The following TMEM132D variants were observed in gnomAD, a reference collection of about 807,000 sequenced individuals.
The protein encoded by TMEM132D is transmembrane protein 132D.
Under a neutral mutation model 62.3 loss-of-function variants are expected in TMEM132D, and 21 were observed. The observed-to-expected ratio is 0.34, with a 90% CI of 0.24 to 0.49. TMEM132D has a LOEUF of 0.49. TMEM132D is among the 20% of genes least tolerant of loss of function. The pLI, the probability that TMEM132D is intolerant of heterozygous loss-of-function variation, is 0.99. For missense variants in TMEM132D, 1,346 were observed against 1,402.8 expected, an observed-to-expected ratio of 0.96 and a Z score of 0.65; for synonymous variants, 621 against 575.6, an observed-to-expected ratio of 1.08 and a Z score of -1.13.
intron 5 of TMEM132D, among the ~76,000 whole-genome samples, chr12:129,204,930 A>G (rs1878801838): frequency 6.6e-6 from 1 of 152,222 alleles, no homozygotes; most frequent in Non-Finnish European, 1.5e-5. Context: ...ACTAAGCTTC[A>G]TAAGTGAAGG....
intron 3 of TMEM132D, among the ~76,000 whole-genome samples, chr12:129,402,931 C>A (rs148338932): frequency 6.6e-6 from 1 of 152,048 alleles, no homozygotes; most frequent in Non-Finnish European, 1.5e-5. Context: ...CCCACAGTCA[C>A]CTTTATTTCT....
chr12:129,450,425 C>G (rs899786284), intron 3 of TMEM132D, among the ~76,000 whole-genome samples: 2 of 152,170 alleles, frequency 1.3e-5, no homozygotes, highest in African/African-American at 4.8e-5. Context: ...ATCTATGTAA[C>G]AAACCTGTAC....
chr12:129,553,136 G>C (rs1376655047), intron 2 of TMEM132D, among the ~76,000 whole-genome samples: 2 of 152,074 alleles, frequency 1.3e-5, no homozygotes, highest in African/African-American at 4.8e-5. Flanking sequence ...AGAGTGTTGC[G>C]CGTTTGCTCC....
chr12:129,354,330 T>TATAC (rs1869966914), intron 3 of TMEM132D, among the ~76,000 whole-genome samples: 1 of 151,262 alleles, frequency 6.6e-6, no homozygotes, highest in African/African-American at 2.4e-5. Context: ...TATATATATA[T>TATAC]ATACATATTT....
intron 1 of TMEM132D, among the ~76,000 whole-genome samples, chr12:129,736,427 T>C (rs952511592): frequency 1.3e-5 from 2 of 152,164 alleles, no homozygotes; most frequent in Non-Finnish European, 2.9e-5. Flanking sequence ...TAAAATAAAA[T>C]GTCAAATAAT....
At chr12:129,785,737 T>A (rs1246537275) in intron 1 of TMEM132D, among the ~76,000 whole-genome samples, 1 of 152,206 alleles carries the variant, frequency 6.6e-6, no homozygotes, top group Admixed American at 6.5e-5. Context: ...TTCTGTTGTT[T>A]AAGCCACTCA....
intron 5 of TMEM132D, among the ~76,000 whole-genome samples, chr12:129,205,235 A>C (rs1396849659): frequency 6.6e-6 from 1 of 152,188 alleles, no homozygotes; most frequent in Non-Finnish European, 1.5e-5. Flanking sequence ...TGGATAAAGA[A>C]ACAAGACTTA....
intron 1 of TMEM132D, among the ~76,000 whole-genome samples, chr12:129,767,095 T>A (rs1280012230): frequency 1.3e-5 from 2 of 152,222 alleles, no homozygotes; most frequent in Non-Finnish European, 1.5e-5. Flanking sequence ...GCCGCCTCAA[T>A]GAGGCTGTTT....
At chr12:129,345,966 G>A (rs181979869) in intron 3 of TMEM132D, among the ~76,000 whole-genome samples, 255 of 152,264 alleles carry the variant, frequency 1.7e-3, no homozygotes, top group Admixed American at 3.1e-3. Context: ...ATGAGTTAGG[G>A]AGGAGTCCCT....
At position 129,073,865 on chromosome 12, in the gene TMEM132D, T is replaced by C. The variant is rs1874154987; in HGVS notation, c.*10A>G. ...AGGTGAGTGAGAACCAATGTCTGTG[T>C]GTGTCTGGCTTACACATTTTCATGT... On this transcript the variant is annotated 3_prime_UTR_variant, in exon 9 of 9. Transcript: ENST00000422113. 2.0e-6 allele frequency: 3 copies of C among 1,522,614 alleles called. No individual in the cohort carries two copies. Among genetic ancestry groups the C allele is most frequent in the Middle Eastern group, 1.8e-4 (1 of 5,638 alleles). The allele number at this position is 1,522,614 out of a possible 1,614,324, so 94.3% of individuals were successfully genotyped here. A position where few individuals can be genotyped will look rare whatever the true frequency, so the allele number is the denominator to read the frequency against.
At chr12:129,587,505 A>G (rs1878063296) in intron 2 of TMEM132D, among the ~76,000 whole-genome samples, 1 of 152,116 alleles carries the variant, frequency 6.6e-6, no homozygotes, top group African/African-American at 2.4e-5. Flanking sequence ...GAGTTTACCT[A>G]TGTAACACAA....
intron 3 of TMEM132D, among the ~76,000 whole-genome samples, chr12:129,449,233 A>G (rs7133469): frequency 0.46 from 70,172 of 152,032 alleles, 16,559 homozygotes; most frequent in East Asian, 0.6. Flanking sequence ...CTGTGTAAGC[A>G]CTTGGACCCT....
At chr12:129,567,272 C>A (rs1388423546) in intron 2 of TMEM132D, among the ~76,000 whole-genome samples, 1 of 152,166 alleles carries the variant, frequency 6.6e-6, no homozygotes, top group Non-Finnish European at 1.5e-5. Context: ...TGCAACATCA[C>A]TAGTGAATCA....
At chr12:129,584,823 C>G (rs1007384202) in intron 2 of TMEM132D, among the ~76,000 whole-genome samples, 1 of 152,056 alleles carries the variant, frequency 6.6e-6, no homozygotes, top group African/African-American at 2.4e-5. Flanking sequence ...ATGAAATTAC[C>G]GATGGAAAGA....
At chr12:129,840,138 A>G (rs998973564) in intron 1 of TMEM132D, 7 of 152,248 alleles carry the variant, frequency 4.6e-5, no homozygotes, top group Admixed American at 1.3e-4. Context: ...TTACATATAA[A>G]TCAAAGCTCT....
At chr12:129,757,908 A>C (rs552835940) in intron 1 of TMEM132D, among the ~76,000 whole-genome samples, 10 of 151,624 alleles carry the variant, frequency 6.6e-5, no homozygotes, top group African/African-American at 2.4e-4. Flanking sequence ...GTTTTATTTT[A>C]TTTTATTTTT....
chr12:129,296,539 A>G (rs961016059), intron 4 of TMEM132D, among the ~76,000 whole-genome samples: 3 of 152,172 alleles, frequency 2.0e-5, no homozygotes, highest in African/African-American at 7.2e-5. Context: ...TCTGAACCCT[A>G]TTCCTGTTTC....
chr12:129,577,023 T>C (rs1001244496), intron 2 of TMEM132D, among the ~76,000 whole-genome samples: 3 of 151,878 alleles, frequency 2.0e-5, no homozygotes, highest in Non-Finnish European at 2.9e-5. Context: ...TCTCTTGCAA[T>C]GTCATAACTT....
intron 1 of TMEM132D, among the ~76,000 whole-genome samples, chr12:129,799,350 A>C (rs559039547): frequency 1.1e-4 from 14 of 130,734 alleles, no homozygotes; most frequent in Non-Finnish European, 2.3e-4. Context: ...ATATGTGTAT[A>C]TATGTGTGTG....
Sources: gnomAD v4.1 joint callset for allele counts (sites outside exome capture counted in the v4.1 genomes callset) on GRCh38, gnomAD v4.1.1 for gene constraint, MANE v1.5 for transcripts, NCBI Gene and HGNC (gene_info 2026-07-23, HGNC 2026-07-21) for gene names.